The following LILRA2 variants were observed in gnomAD, a reference collection of about 807,000 sequenced individuals.
LILRA2 encodes leukocyte immunoglobulin-like receptor subfamily A member 2.
LILRA2 carries 45 observed loss-of-function variants against 47.9 expected under a neutral mutation model. That is an observed-to-expected ratio of 0.94 (90% CI 0.74 to 1.20). The LOEUF (loss-of-function observed/expected upper bound fraction) is 1.20, where lower values mean the gene tolerates loss of function less well. LILRA2 is among the 50% of genes most tolerant of loss of function. The probability of loss-of-function intolerance (pLI) is 0.00; values close to 1 mark genes in which losing one functional copy is unlikely to be tolerated. For synonymous variants in LILRA2, 279 were observed against 249.2 expected, an observed-to-expected ratio of 1.12 and a Z score of -1.13; for missense variants, 651 against 598.2, an observed-to-expected ratio of 1.09 and a Z score of -0.92.
intron 6 of LILRA2, among the ~76,000 whole-genome samples, chr19:54,586,599 A>G (rs1291518789): frequency 1.3e-5 from 2 of 152,094 alleles, no homozygotes; most frequent in Non-Finnish European, 2.9e-5. Flanking sequence ...CAGCTGGCGG[A>G]TCCGTGAAAC....
intron 6 of LILRA2, among the ~76,000 whole-genome samples, chr19:54,577,151 G>A (rs1174133057): frequency 1.6e-5 from 1 of 63,338 alleles, no homozygotes; most frequent in Non-Finnish European, 3.4e-5. Flanking sequence ...ACAATATTTT[G>A]GAAAAAACAA....
Position 54,575,606 on chromosome 19 carries a change from A to C in LILRA2, c.952+54A>C, listed in dbSNP as rs7248437. ...ACCCAGGCTCTGCACAGGCCCTGCC[A>C]GGGGAGCCCAGGTGGTGATGGCCGG... is the stretch of plus-strand genomic sequence containing the variant. On this transcript the variant is annotated intron_variant, in intron 5 of 7. Transcript: ENST00000391738. The C allele has an allele frequency of 3.2e-3, 4,364 of 1,378,602 alleles. 116 individuals are homozygous for C. In the African/African-American group the frequency reaches 0.06, roughly 19 times the overall value. The allele number at this position is 1,378,602 out of a possible 1,614,324, so 85.4% of individuals were successfully genotyped here. A position where few individuals can be genotyped will look rare whatever the true frequency, so the allele number is the denominator to read the frequency against.
chr19:54,590,212 A>G lies in LILRA2; in HGVS notation c.*2866A>G, dbSNP rs2062902512. On this transcript the variant is annotated 3_prime_UTR_variant, in exon 8 of 8. Coordinates refer to ENST00000391738, the MANE Select transcript of LILRA2 (RefSeq NM_001130917.3). ...CTCACTCTATTCTTTGTGTGCATTA[A>G]TTATCTTTTCTATTTTTTTCATTTC... The G allele has an allele frequency of 6.6e-6, 1 of 152,070 alleles. No individual in the cohort carries two copies. Among genetic ancestry groups the G allele is most frequent in the Non-Finnish European group, 1.5e-5 (1 of 68,034 alleles). 9.4% of individuals were successfully genotyped at this position (152,070 alleles called of 1,614,324 possible).
Position 54,575,524 on chromosome 19 carries a change from C to T in LILRA2, c.924C>T (p.Pro308=), listed in dbSNP as rs1381696081. Residue 308 remains proline, a synonymous_variant, in exon 5 of 8, where the codon CCC becomes CCT. Coordinates refer to ENST00000391738, the MANE Select transcript of LILRA2 (RefSeq NM_001130917.3). ...ACCTCTCCTCCGAGTGGTCGGCCCC[C>T]AGTGACCCCCTGGACATCCTGATCA... ...AHNLSSEWSA[P]SDPLDILITG... is the part of the protein sequence containing the mutation. 6.2e-7 allele frequency: 1 copy of T among 1,612,464 alleles called. No individual in the cohort carries two copies. Among genetic ancestry groups the T allele is most frequent in the Admixed American group, 1.7e-5 (1 of 60,010 alleles).
rs938999767 is a variant in LILRA2 at position 54,587,654 on chromosome 19, C to T, written c.*308C>T. 1.3e-5 allele frequency: 6 copies of T among 445,494 alleles called. No homozygotes were observed. The South Asian group carries it at 1.8e-4, about 13-fold the overall frequency. 27.6% of individuals were successfully genotyped at this position (445,494 alleles called of 1,614,324 possible). ...ACCGTTGGGTCCACACCTCCACACA[C>T]CTGTGTGCTCTGGTCCACGGCATGT... On this transcript the variant is annotated 3_prime_UTR_variant, in exon 8 of 8. Coordinates refer to ENST00000391738, the MANE Select transcript of LILRA2 (RefSeq NM_001130917.3).
In LILRA2 at chr19:54,575,400, C is replaced by G. The variant is rs774394032; in HGVS notation, c.800C>G (p.Pro267Arg). 2 of 1,613,446 alleles carry G rather than the reference C, an allele frequency of 1.2e-6. No individual in the cohort carries two copies. Among genetic ancestry groups the G allele is most frequent in the Non-Finnish European group, 8.5e-7 (1 of 1,179,882 alleles). Residue 267 changes from proline to arginine, a missense_variant, in exon 5 of 8, where the codon CCT (proline) becomes CGT (arginine). Pro to Arg is a moderately radical substitution (Grantham distance 103, BLOSUM62 -2). Transcript: ENST00000391738. ...GGAGAACGTGACTTCCTCCAGCGCC[C>G]TGGTTGGCAGCCCCAGGCTGGGCTC... is the stretch of plus-strand genomic sequence containing the variant. ...KEGERDFLQR[P>R]GWQPQAGLSQ...
At chr19:54,573,633 G>A, upstream of LILRA2, 1 of 872,912 alleles carries the variant, frequency 1.1e-6, no homozygotes, top group Admixed American at 2.6e-5. Context: ...GTGGCTGGGG[G>A]GCAGGAAAGA....
chr19:54,575,863 GGAAAGAACGT>G lies in LILRA2; in HGVS notation c.1012_1021del (p.Lys338ProfsTer15), dbSNP rs2062402695. 1 of 1,613,662 alleles carries G rather than the reference GGAAAGAACGT, an allele frequency of 6.2e-7. No individual in the cohort carries two copies. Among genetic ancestry groups the G allele is most frequent in the Non-Finnish European group, 8.5e-7 (1 of 1,179,916 alleles). ...GCAGCCGGTCCCCACAGTAGCCCCA[GGAAAGAACGT>G]GACCCTGCTGTGTCAGTCACGGGGG... On this transcript the variant is annotated frameshift_variant, in exon 6 of 8. Transcript: ENST00000391738. LOFTEE classifies it high-confidence loss of function.
intron 6 of LILRA2, among the ~76,000 whole-genome samples, chr19:54,579,711 T>C (rs1344875261): frequency 6.6e-6 from 1 of 152,190 alleles, no homozygotes; most frequent in Non-Finnish European, 1.5e-5. Flanking sequence ...GTGTGGCCAT[T>C]TTCACAATAT....
At chr19:54,579,915 A>G (rs913816083) in intron 6 of LILRA2, among the ~76,000 whole-genome samples, 2 of 151,878 alleles carry the variant, frequency 1.3e-5, no homozygotes, top group African/African-American at 4.8e-5. Flanking sequence ...CTGTTTGTCT[A>G]TTATTGGTTT....
Position 54,589,208 on chromosome 19 carries a change from T to G in LILRA2, c.*1862T>G, listed in dbSNP as rs1012917968. On this transcript the variant is annotated 3_prime_UTR_variant, in exon 8 of 8. Transcript: ENST00000391738. The stretch of plus-strand genomic sequence containing the variant: ...TCCCTTGATCATAACTTAAATGCAT[T>G]TGCAAAGACTCTATTTCCAACTATG... 7.6e-6 allele frequency: 1 copy of G among 131,550 alleles called. No individual in the cohort carries two copies. Among genetic ancestry groups the G allele is most frequent in the Admixed American group, 7.4e-5 (1 of 13,442 alleles). 8.1% of individuals were successfully genotyped at this position (131,550 alleles called of 1,614,324 possible).
rs2062369725 is a variant in LILRA2, at chr19:54,575,376, G to A, written c.776G>A (p.Gly259Glu). ...GACAGATTTGTTCTGTATAAGGAGG[G>A]AGAACGTGACTTCCTCCAGCGCCCT... ...GYDRFVLYKE[G>E]ERDFLQRPGW... The change falls in exon 5 of 8, where the codon GGA becomes GAA. Residue 259 changes from glycine (G) to glutamate (E), a missense_variant. Gly to Glu is a moderately conservative substitution (Grantham distance 98, BLOSUM62 -2). Coordinates refer to ENST00000391738, the MANE Select transcript of LILRA2 (RefSeq NM_001130917.3). The A allele has an allele frequency of 6.2e-7, 1 of 1,614,158 alleles. No individual in the cohort carries two copies. Among genetic ancestry groups the A allele is most frequent in the Non-Finnish European group, 8.5e-7 (1 of 1,180,004 alleles).
chr19:54,586,602 C>T (rs926665401), intron 6 of LILRA2, among the ~76,000 whole-genome samples: 3 of 152,150 alleles, frequency 2.0e-5, no homozygotes, highest in Non-Finnish European at 4.4e-5. Flanking sequence ...CTGGCGGATC[C>T]GTGAAACTCA....
chr19:54,575,497 C>T lies in LILRA2; in HGVS notation c.897C>T (p.His299=). The T allele has an allele frequency of 6.2e-7, 1 of 1,613,074 alleles. No individual in the cohort carries two copies. Among genetic ancestry groups the T allele is most frequent in the Non-Finnish European group, 8.5e-7 (1 of 1,179,914 alleles). The change falls in exon 5 of 8, where the codon CAC becomes CAT. Residue 299 remains histidine, a synonymous_variant. Transcript: ENST00000391738. ...HGGQYRCYSA[H]NLSSEWSAPS... is the part of the protein sequence containing the mutation. ...GCCAGTACAGATGCTACAGTGCACA[C>T]AACCTCTCCTCCGAGTGGTCGGCCC...
chr19:54,582,247 G>A (rs1042184665), intron 6 of LILRA2, among the ~76,000 whole-genome samples: 2 of 152,046 alleles, frequency 1.3e-5, no homozygotes, highest in African/African-American at 4.8e-5. Context: ...CTTTTTTGTT[G>A]TGTGTCTACG....
intron 6 of LILRA2, 150 bp from the exon 7 acceptor site, chr19:54,586,860 A>C (rs2062825158): frequency 1.8e-6 from 1 of 556,106 alleles, no homozygotes; most frequent in African/African-American, 1.9e-5. Flanking sequence ...TAATTCAATG[A>C]GGAGACTGGA....
rs566172495 is a variant in LILRA2, at chr19:54,587,514, G to A, written c.*168G>A. ...TGAGTGTAAGGAAACTGTCTGGGGT[G>A]ATTCCTAGAAGATCATTAAACTGTG... On this transcript the variant is annotated 3_prime_UTR_variant, in exon 8 of 8. Coordinates refer to ENST00000391738, the MANE Select transcript of LILRA2 (RefSeq NM_001130917.3). The A allele has an allele frequency of 5.3e-6, 6 of 1,132,222 alleles. No individual in the cohort carries two copies. The highest frequency in any genetic ancestry group is 6.1e-6 in the Non-Finnish European group (5 of 819,146). The allele number at this position is 1,132,222 out of a possible 1,614,324, so 70.1% of individuals were successfully genotyped here.
In LILRA2 at chr19:54,574,895, C is replaced by T. The variant is rs1390728656; in HGVS notation, c.517C>T (p.Arg173Cys). The change falls in exon 4 of 8, where the codon CGT becomes TGT. Residue 173 changes from arginine (R) to cysteine (C), a missense_variant. Coordinates refer to ENST00000391738, the MANE Select transcript of LILRA2 (RefSeq NM_001130917.3). ...ACGCCTGAACTCCCATTCCCATGCC[C>T]GTGGGTGGTCCTGGGCCATCTTCTC... is the stretch of plus-strand genomic sequence containing the variant. ...PQRLNSHSHA[R>C]GWSWAIFSVG... 7 of 1,614,148 alleles carry T rather than the reference C, an allele frequency of 4.3e-6. No homozygotes were observed. The highest frequency in any genetic ancestry group is 1.3e-5 in the African/African-American group (1 of 74,962).
At position 54,574,515 on chromosome 19, in the gene LILRA2, T is replaced by C; in HGVS notation, c.285T>C (p.Tyr95=). The C allele has an allele frequency of 6.2e-7, 1 of 1,609,746 alleles. No homozygotes were observed. The highest frequency in any genetic ancestry group is 8.5e-7 in the Non-Finnish European group (1 of 1,175,990). The part of the protein sequence containing the change: ...PSITWEHAGR[Y]HCQYYSHNHS... ...TCACCTGGGAACACGCAGGGCGGTA[T>C]CACTGTCAGTACTACAGCCACAATC... The change falls in exon 3 of 8, where the codon TAT becomes TAC. Residue 95 remains tyrosine (Y), a synonymous_variant. Coordinates refer to ENST00000391738, the MANE Select transcript of LILRA2 (RefSeq NM_001130917.3).
Sources: allele counts gnomAD v4.1 joint callset (sites outside exome capture counted in the v4.1 genomes callset), GRCh38; gene constraint gnomAD v4.1.1; transcripts MANE v1.5; gene names NCBI Gene and HGNC (gene_info 2026-07-23, HGNC 2026-07-21).